Variants in SLC24A3 observed in about 807,000 individuals in gnomAD.
SLC24A3 encodes the protein sodium/potassium/calcium exchanger 3.
Under a neutral mutation model 75.8 loss-of-function variants are expected in SLC24A3, and 28 were observed. The ratio of observed to expected loss-of-function variants is 0.37; its 90% CI spans 0.27 to 0.51. The LOEUF is 0.51. Among genes scored for constraint, SLC24A3 ranks in the 20% least tolerant of loss-of-function variants. The pLI, the probability that SLC24A3 is intolerant of heterozygous loss-of-function variation, is 0.94. For missense variants in SLC24A3, 663 were observed against 847.8 expected, an observed-to-expected ratio of 0.78 and a Z score of 2.71; for synonymous variants, 372 against 334.1, an observed-to-expected ratio of 1.11 and a Z score of -1.24.
intron 2 of SLC24A3, among the ~76,000 whole-genome samples, chr20:19,334,496 A>G (rs76247845): frequency 0.014 from 2,101 of 152,272 alleles, 42 homozygotes; most frequent in African/African-American, 0.047. Flanking sequence ...TCATATATTG[A>G]TTCCATAAGT....
chr20:19,551,457 C>T (rs1019353626), intron 3 of SLC24A3, among the ~76,000 whole-genome samples: 1 of 152,118 alleles, frequency 6.6e-6, no homozygotes, highest in Non-Finnish European at 1.5e-5. Flanking sequence ...AATATTAAAA[C>T]AGAAGTGGTA....
intron 16 of SLC24A3, among the ~76,000 whole-genome samples, chr20:19,718,994 C>G (rs940103239): frequency 6.8e-5 from 8 of 116,998 alleles, no homozygotes; most frequent in Non-Finnish European, 1.7e-4. Context: ...GGAAGAAACA[C>G]CAAAAGAAAC....
intron 2 of SLC24A3, among the ~76,000 whole-genome samples, chr20:19,336,480 G>T (rs918760900): frequency 2.6e-5 from 4 of 152,134 alleles, no homozygotes; most frequent in South Asian, 2.1e-4. Flanking sequence ...CCGCCTCCCG[G>T]GTTCAAGCGA....
chr20:19,255,698 A>G (rs1982794305), intron 1 of SLC24A3, among the ~76,000 whole-genome samples: 1 of 152,264 alleles, frequency 6.6e-6, no homozygotes, highest in East Asian at 1.9e-4. Context: ...ACACATGGCA[A>G]CCGAGCACTT....
intron 6 of SLC24A3, among the ~76,000 whole-genome samples, chr20:19,652,946 T>G (rs2032224811): frequency 6.6e-6 from 1 of 152,308 alleles, no homozygotes; most frequent in Middle Eastern, 3.4e-3. Flanking sequence ...GCAAACATCC[T>G]GTGGCCATGG....
At chr20:19,476,750 C>A (rs947350267) in intron 2 of SLC24A3, among the ~76,000 whole-genome samples, 3 of 152,118 alleles carry the variant, frequency 2.0e-5, no homozygotes, top group African/African-American at 7.2e-5. Flanking sequence ...GCAAGGATGT[C>A]AGTGTCCATA....
At chr20:19,345,123 A>C (rs1313595618) in intron 2 of SLC24A3, among the ~76,000 whole-genome samples, 1 of 152,228 alleles carries the variant, frequency 6.6e-6, no homozygotes, top group Non-Finnish European at 1.5e-5. Context: ...ATAAGTAATT[A>C]TAACAAGGTT....
At chr20:19,302,875 G>A (rs1010772517) in intron 2 of SLC24A3, among the ~76,000 whole-genome samples, 5 of 152,080 alleles carry the variant, frequency 3.3e-5, no homozygotes, top group African/African-American at 4.8e-5. Flanking sequence ...GTTCCCTGTT[G>A]TGGGTAGTTA....
rs369505189 is a variant in SLC24A3, at chr20:19,458,106, G to A, written c.272-57382G>A. Among the ~76,000 whole-genome samples the A allele has an allele frequency of 4.6e-5, 7 of 152,144 alleles. No individual in the cohort carries two copies. The East Asian group carries it at 1.2e-3, about 25-fold the overall frequency. On this transcript the variant is annotated intron_variant, in intron 2 of 16. Transcript: ENST00000328041. ...GGGAGCTACAGTGCTTTGTAAGTTG[G>A]AAGTTCTGCTTGAGAATGTGTTCTG...
At chr20:19,691,669 G>A (rs1221818245) in intron 12 of SLC24A3, among the ~76,000 whole-genome samples, 1 of 152,134 alleles carries the variant, frequency 6.6e-6, no homozygotes, top group East Asian at 1.9e-4. Flanking sequence ...TGAGATGGTG[G>A]GAATGTCCTG....
chr20:19,493,571 G>T (rs905354281), intron 2 of SLC24A3, among the ~76,000 whole-genome samples: 1 of 152,134 alleles, frequency 6.6e-6, no homozygotes, highest in African/African-American at 2.4e-5. Context: ...ACCAGGCTGA[G>T]GATAAAAGGG....
intron 3 of SLC24A3, among the ~76,000 whole-genome samples, chr20:19,556,433 A>G (rs1282846703): frequency 1.3e-5 from 2 of 152,210 alleles, no homozygotes; most frequent in Non-Finnish European, 2.9e-5. Flanking sequence ...TAGAGAATTT[A>G]GAGTCAGCTG....
At chr20:19,595,961 T>A (rs1265553775) in intron 6 of SLC24A3, among the ~76,000 whole-genome samples, 7 of 152,092 alleles carry the variant, frequency 4.6e-5, no homozygotes, top group Admixed American at 2.6e-4. Flanking sequence ...AAGCTTGACA[T>A]GTTCGAGGAT....
At chr20:19,329,466 C>T (rs1984947267) in intron 2 of SLC24A3, among the ~76,000 whole-genome samples, 1 of 152,168 alleles carries the variant, frequency 6.6e-6, no homozygotes, top group African/African-American at 2.4e-5. Flanking sequence ...CAACGAGATG[C>T]TCTCAAGTCC....
chr20:19,299,823 C>T (rs1219502858), intron 2 of SLC24A3, among the ~76,000 whole-genome samples: 1 of 152,206 alleles, frequency 6.6e-6, no homozygotes, highest in Non-Finnish European at 1.5e-5. Flanking sequence ...ACTATATCCA[C>T]AGGCAACTGG....
At chr20:19,619,068 G>A (rs1246888899) in intron 6 of SLC24A3, among the ~76,000 whole-genome samples, 1 of 152,156 alleles carries the variant, frequency 6.6e-6, no homozygotes, top group Non-Finnish European at 1.5e-5. Flanking sequence ...GGCTTAAAAT[G>A]TGACAGCAAA....
chr20:19,721,026 C>G lies in SLC24A3; in HGVS notation c.1821C>G (p.Asp607Glu). ...FGVHLNKWQL[D>E]KKLGCGCLLL... ...TCCACCTGAACAAGTGGCAGCTGGA[C>G]AAGAAGCTGGGCTGTGGGTGCCTCC... The change falls in exon 17 of 17, where the codon GAC becomes GAG. Residue 607 changes from aspartate (D) to glutamate (E), a missense_variant. Transcript: ENST00000328041. The G allele has an allele frequency of 6.2e-7, 1 of 1,614,092 alleles. No individual in the cohort carries two copies. The highest frequency in any genetic ancestry group is 8.5e-7 in the Non-Finnish European group (1 of 1,180,018).
intron 1 of SLC24A3, among the ~76,000 whole-genome samples, chr20:19,240,268 T>C (rs1982292955): frequency 6.6e-6 from 1 of 152,200 alleles, no homozygotes; most frequent in African/African-American, 2.4e-5. Context: ...CGTGATGTTC[T>C]TGTGAGCCAT....
chr20:19,578,866 C>T (rs2031178884), intron 3 of SLC24A3, among the ~76,000 whole-genome samples: 1 of 152,026 alleles, frequency 6.6e-6, no homozygotes, highest in Non-Finnish European at 1.5e-5. Context: ...TATCCGGGGG[C>T]TTAGGTTTTT....
Sources: gnomAD v4.1 joint callset for allele counts (sites outside exome capture counted in the v4.1 genomes callset) on GRCh38, gnomAD v4.1.1 for gene constraint, MANE v1.5 for transcripts, NCBI Gene and HGNC (gene_info 2026-07-23, HGNC 2026-07-21) for gene names.